Variants in MTSS1 observed in about 807,000 individuals in gnomAD.
MTSS1 encodes protein MTSS 1.
MTSS1 carries 18 observed loss-of-function variants against 79.0 expected under a neutral mutation model. The ratio of observed to expected loss-of-function variants is 0.23; its 90% CI spans 0.16 to 0.34. MTSS1 has a LOEUF of 0.34. Ranked by LOEUF, MTSS1 falls within the 10% of genes least tolerant of loss-of-function variation. The probability of loss-of-function intolerance (pLI) is 1.00; values close to 1 mark genes in which losing one functional copy is unlikely to be tolerated. For synonymous variants in MTSS1, 341 were observed against 368.6 expected, an observed-to-expected ratio of 0.93 and a Z score of 0.86; for missense variants, 815 against 986.2, an observed-to-expected ratio of 0.83 and a Z score of 2.33.
rs2303954 is a variant in MTSS1 at position 124,565,578 on chromosome 8, G to A, written c.824+84C>T. ...TGTTTGAGAATGAGCCATTCTAAGA[G>A]ATAAGGACTGGCTCCATTGCTCACA... On this transcript the variant is annotated intron_variant, in intron 9 of 13. Coordinates refer to ENST00000518547, the MANE Select transcript of MTSS1 (RefSeq NM_014751.6). The A allele has an allele frequency of 1.1e-3, 1,219 of 1,158,248 alleles. 12 individuals are homozygous for A. In the East Asian group the frequency reaches 0.026, roughly 25 times the overall value. The allele number at this position is 1,158,248 out of a possible 1,614,324, so 71.7% of individuals were successfully genotyped here.
intron 3 of MTSS1, among the ~76,000 whole-genome samples, chr8:124,655,924 G>C (rs957843010): frequency 6.6e-6 from 1 of 152,120 alleles, no homozygotes; most frequent in African/African-American, 2.4e-5. Flanking sequence ...AACAGAAGCT[G>C]GAAAGATGTG....
intron 3 of MTSS1, among the ~76,000 whole-genome samples, chr8:124,687,920 T>C (rs796310079): frequency 3.3e-5 from 5 of 152,310 alleles, no homozygotes; most frequent in African/African-American, 1.2e-4. Context: ...CCCCCTTTCC[T>C]GATTTTAAAG....
intron 3 of MTSS1, among the ~76,000 whole-genome samples, chr8:124,644,993 A>G (rs1307620309): frequency 2.6e-5 from 4 of 152,222 alleles, no homozygotes; most frequent in Non-Finnish European, 4.4e-5. Context: ...TGGCATTGAT[A>G]GGTCTTGAGG....
intron 1 of MTSS1, among the ~76,000 whole-genome samples, chr8:124,717,389 G>A (rs996258399): frequency 6.6e-6 from 1 of 152,154 alleles, no homozygotes; most frequent in Non-Finnish European, 1.5e-5. Context: ...CTAGCTACTT[G>A]GGAGGCTGAG....
chr8:124,590,294 A>G (rs756252428), intron 4 of MTSS1, among the ~76,000 whole-genome samples: 2 of 152,192 alleles, frequency 1.3e-5, no homozygotes, highest in Non-Finnish European at 2.9e-5. Context: ...CCCCTCTGAG[A>G]GCTGCACAAC....
chr8:124,646,609 G>A (rs1423757535), intron 3 of MTSS1, among the ~76,000 whole-genome samples: 1 of 152,154 alleles, frequency 6.6e-6, no homozygotes, highest in African/African-American at 2.4e-5. Context: ...ATTTGGATGT[G>A]ATGAAAGCAG....
intron 3 of MTSS1, chr8:124,673,650 C>G (rs1329523533): frequency 6.6e-6 from 1 of 152,200 alleles, no homozygotes; most frequent in Non-Finnish European, 1.5e-5. Flanking sequence ...TATGTTACTA[C>G]AAGAAGAGAA....
chr8:124,686,197 G>A (rs565469534), intron 3 of MTSS1, among the ~76,000 whole-genome samples: 1 of 152,334 alleles, frequency 6.6e-6, no homozygotes, highest in African/African-American at 2.4e-5. Context: ...CAGGCAGAGG[G>A]GGCCTGCAGC....
Position 124,555,748 on chromosome 8 carries a change from A to G in MTSS1, c.1561T>C (p.Ser521Pro). 6.2e-7 allele frequency: 1 copy of G among 1,609,278 alleles called. No individual in the cohort carries two copies. Among genetic ancestry groups the G allele is most frequent in the Non-Finnish European group, 8.5e-7 (1 of 1,177,536 alleles). The change falls in exon 13 of 14, where the codon TCC (serine) becomes CCC (proline). Residue 521 changes from serine (S) to proline (P), a missense_variant. Physicochemically the swap from Ser to Pro is moderately conservative, Grantham distance 74 (BLOSUM62 -1). Transcript: ENST00000518547. ...TPCCSEDTIPSQVSDYDYFSV... is the reference protein window; with the variant it reads ...TPCCSEDTIPPQVSDYDYFSV... ...ACCCCAGGCTGCCTCGTACCTTGGG[A>G]AGGGATGGTGTCCTCAGAGCAGCAG...
intron 3 of MTSS1, chr8:124,673,444 T>A (rs994499257): frequency 2.7e-5 from 4 of 150,898 alleles, no homozygotes; most frequent in Non-Finnish European, 4.4e-5. Flanking sequence ...TAAAAGCTGG[T>A]CACAAGCACA....
intron 8 of MTSS1, 123 bp from the exon 9 acceptor site, chr8:124,565,882 A>G: frequency 2.9e-6 from 2 of 681,526 alleles, no homozygotes; most frequent in Non-Finnish European, 4.7e-6. Context: ...AAAGCAAAAC[A>G]TGTTAAAAAA....
chr8:124,653,991 C>T (rs1396535418), intron 3 of MTSS1, among the ~76,000 whole-genome samples: 1 of 152,222 alleles, frequency 6.6e-6, no homozygotes, highest in Non-Finnish European at 1.5e-5. Context: ...CTTCCTATCA[C>T]AGACTTCCAT....
At chr8:124,680,093 A>C (rs1040355268) in intron 3 of MTSS1, among the ~76,000 whole-genome samples, 1 of 152,150 alleles carries the variant, frequency 6.6e-6, no homozygotes, top group African/African-American at 2.4e-5. Context: ...TTGGAAACAC[A>C]CAGGGAAAGC....
intron 3 of MTSS1, among the ~76,000 whole-genome samples, chr8:124,620,325 G>A (rs1341446071): frequency 6.6e-6 from 1 of 152,146 alleles, no homozygotes; most frequent in Non-Finnish European, 1.5e-5. Flanking sequence ...GTTAGCAGTT[G>A]GGGCTTCATA....
At chr8:124,588,145 G>A (rs1016118878) in intron 5 of MTSS1, among the ~76,000 whole-genome samples, 5 of 152,200 alleles carry the variant, frequency 3.3e-5, no homozygotes, top group Non-Finnish European at 7.3e-5. Context: ...ACTTTCTGGT[G>A]GCTACTGATA....
chr8:124,626,360 G>C (rs1365660922), intron 3 of MTSS1, among the ~76,000 whole-genome samples: 1 of 152,132 alleles, frequency 6.6e-6, no homozygotes, highest in Non-Finnish European at 1.5e-5. Flanking sequence ...CTATAAGCCA[G>C]GCATGGTGGC....
At chr8:124,674,228 T>C (rs980801363) in intron 3 of MTSS1, among the ~76,000 whole-genome samples, 5 of 152,190 alleles carry the variant, frequency 3.3e-5, no homozygotes, top group African/African-American at 1.2e-4. Context: ...TTTGAATTGG[T>C]AGAGGTGGTC....
chr8:124,596,881 G>A (rs1832857534), intron 3 of MTSS1, among the ~76,000 whole-genome samples: 1 of 152,098 alleles, frequency 6.6e-6, no homozygotes, highest in Non-Finnish European at 1.5e-5. Flanking sequence ...GCATTCCTGT[G>A]TGTGTGTGTC....
At chr8:124,668,083 A>T (rs1259521459) in intron 3 of MTSS1, among the ~76,000 whole-genome samples, 1 of 152,040 alleles carries the variant, frequency 6.6e-6, no homozygotes, top group Non-Finnish European at 1.5e-5. Context: ...ACCCTGTCTC[A>T]AAACAAAAAC....
Sources: allele counts gnomAD v4.1 joint callset (sites outside exome capture counted in the v4.1 genomes callset), GRCh38; gene constraint gnomAD v4.1.1; transcripts MANE v1.5; gene names NCBI Gene and HGNC (gene_info 2026-07-23, HGNC 2026-07-21).